TAF3: variants seen among roughly 807,000 people sequenced by gnomAD.
TAF3 encodes the protein transcription initiation factor TFIID subunit 3.
TAF3 carries 7 observed loss-of-function variants against 80.6 expected under a neutral mutation model. That is an observed-to-expected ratio of 0.09 (90% confidence interval 0.05 to 0.16). The LOEUF is 0.16. Among genes scored for constraint, TAF3 ranks in the 10% least tolerant of loss-of-function variants. The pLI is 1.00. For missense variants in TAF3, 921 were observed against 1,140.2 expected (o/e 0.81, Z 2.77); for synonymous variants, 444 against 446.1 (o/e 1.00, Z 0.06).
At chr10:7,951,541 G>A (rs1838082369) in intron 2 of TAF3, among the ~76,000 whole-genome samples, 1 of 152,206 alleles carries the variant, frequency 6.6e-6, no homozygotes, top group African/African-American at 2.4e-5. Context: ...CGCTTTCCAT[G>A]CCTCTGCTTC....
chr10:7,969,841 A>G (rs1222759439), intron 3 of TAF3, among the ~76,000 whole-genome samples: 1 of 152,194 alleles, frequency 6.6e-6, no homozygotes, highest in African/African-American at 2.4e-5. Context: ...TGGAAATTCC[A>G]GCTCTGCCAC....
chr10:7,830,620 A>G (rs940758413), intron 2 of TAF3, among the ~76,000 whole-genome samples: 1 of 151,454 alleles, frequency 6.6e-6, no homozygotes, highest in African/African-American at 2.4e-5. Context: ...AGTAGCTGCA[A>G]TTACAGGTGC....
At chr10:7,856,257 C>G (rs1837078597) in intron 2 of TAF3, among the ~76,000 whole-genome samples, 1 of 152,178 alleles carries the variant, frequency 6.6e-6, no homozygotes, top group Non-Finnish European at 1.5e-5. Flanking sequence ...GGGCGGATCA[C>G]TTGAGGTCAG....
At chr10:7,955,341 A>G (rs979036057) in intron 2 of TAF3, among the ~76,000 whole-genome samples, 4 of 152,230 alleles carry the variant, frequency 2.6e-5, no homozygotes, top group Non-Finnish European at 5.9e-5. Context: ...CTACATCTGC[A>G]TACATTTTTC....
chr10:7,895,394 T>G (rs1837495506), intron 2 of TAF3, among the ~76,000 whole-genome samples: 1 of 152,198 alleles, frequency 6.6e-6, no homozygotes, highest in Non-Finnish European at 1.5e-5. Context: ...CAGCAGACAG[T>G]TCTTATCTCT....
intron 2 of TAF3, among the ~76,000 whole-genome samples, chr10:7,876,883 A>G (rs1208589113): frequency 6.6e-6 from 1 of 152,186 alleles, no homozygotes; most frequent in African/African-American, 2.4e-5. Flanking sequence ...CTTGTACTAG[A>G]AATAGGACAG....
chr10:7,952,353 A>T (rs761989646), intron 2 of TAF3, among the ~76,000 whole-genome samples: 5 of 152,228 alleles, frequency 3.3e-5, no homozygotes, highest in Admixed American at 6.5e-5. Context: ...TAACGATAGC[A>T]ATTTATTGTA....
At chr10:8,008,667 C>A (rs1832019966) in intron 4 of TAF3, among the ~76,000 whole-genome samples, 1 of 152,222 alleles carries the variant, frequency 6.6e-6, no homozygotes, top group Non-Finnish European at 1.5e-5. Flanking sequence ...CAGGCTGCTC[C>A]AGGTCCTCTC....
intron 2 of TAF3, among the ~76,000 whole-genome samples, chr10:7,838,864 C>T (rs866254437): frequency 1.4e-5 from 2 of 145,548 alleles, no homozygotes; most frequent in African/African-American, 2.6e-5. Context: ...GTCTGGGGAA[C>T]GTTCCTTCTG....
intron 2 of TAF3, among the ~76,000 whole-genome samples, chr10:7,924,844 C>A (rs1299585968): frequency 1.3e-5 from 2 of 151,844 alleles, no homozygotes; most frequent in Non-Finnish European, 2.9e-5. Flanking sequence ...TTCACTTTAT[C>A]ATATCACACA....
At chr10:7,939,947 A>G (rs1454208495) in intron 2 of TAF3, among the ~76,000 whole-genome samples, 1 of 152,248 alleles carries the variant, frequency 6.6e-6, no homozygotes, top group African/African-American at 2.4e-5. Flanking sequence ...AGAAAAACGT[A>G]TAAATCTATA....
chr10:7,936,967 C>A (rs1837927282), intron 2 of TAF3, among the ~76,000 whole-genome samples: 1 of 152,094 alleles, frequency 6.6e-6, no homozygotes. Flanking sequence ...TGACTTCTTT[C>A]ACTTACCAAT....
intron 2 of TAF3, among the ~76,000 whole-genome samples, chr10:7,896,559 C>T (rs1837506343): frequency 6.6e-6 from 1 of 152,204 alleles, no homozygotes; most frequent in South Asian, 2.1e-4. Flanking sequence ...TGTAACCTCT[C>T]ATTCGACAGT....
intron 4 of TAF3, among the ~76,000 whole-genome samples, chr10:7,987,195 G>A (rs1831787156): frequency 6.6e-6 from 1 of 152,102 alleles, no homozygotes; most frequent in African/African-American, 2.4e-5. Flanking sequence ...GGTGGCATGT[G>A]CCTTTAGTCC....
rs1832032615 is a variant in TAF3 at position 8,009,515 on chromosome 10, A to G, written c.2568+185A>G. ...GAGTACAGTGGCCCAATCATAGCTC[A>G]CTGCAACCTCAAACTCCTGGGCCCA... On this transcript the variant is annotated intron_variant, in intron 5 of 6. Transcript: ENST00000344293. The surrounding 1 kb of genome is among the most constrained non-coding windows in gnomAD (Gnocchi z 4.1). Among the ~76,000 whole-genome samples, 1 of 151,892 alleles carries G rather than the reference A, an allele frequency of 6.6e-6. No homozygotes were observed. Among genetic ancestry groups the G allele is most frequent in the East Asian group, 1.9e-4 (1 of 5,172 alleles).
chr10:7,974,892 G>A (rs1831655924), intron 3 of TAF3, among the ~76,000 whole-genome samples: 1 of 151,876 alleles, frequency 6.6e-6, no homozygotes, highest in African/African-American at 2.4e-5. Context: ...TGGCCAACAC[G>A]GTGAAACCCC....
intron 3 of TAF3, among the ~76,000 whole-genome samples, chr10:7,970,398 A>T (rs1831611439): frequency 6.6e-6 from 1 of 152,218 alleles, no homozygotes; most frequent in Non-Finnish European, 1.5e-5. Flanking sequence ...CCTGTTTTAC[A>T]GTTGAGAAAA....
rs1039436108 is a variant in TAF3, at chr10:8,014,908, A to G, written c.*157A>G. 3.2e-6 allele frequency: 2 copies of G among 623,136 alleles called. No homozygotes were observed. The allele number at this position is 623,136 out of a possible 1,614,324, so 38.6% of individuals were successfully genotyped here. A position where few individuals can be genotyped will look rare whatever the true frequency, so the allele number is the denominator to read the frequency against. ...AGGCTGGAACACACCGCGCACCTGG[A>G]TTGTTCACTCCCGAGCCGCCTTGGC... is the stretch of plus-strand genomic sequence containing the variant. On this transcript the variant is annotated 3_prime_UTR_variant, in exon 7 of 7. Coordinates refer to ENST00000344293, the MANE Select transcript of TAF3 (RefSeq NM_031923.4).
intron 2 of TAF3, among the ~76,000 whole-genome samples, chr10:7,960,787 A>G (rs1838182490): frequency 6.6e-6 from 1 of 152,170 alleles, no homozygotes; most frequent in Non-Finnish European, 1.5e-5. Flanking sequence ...GTATTTTAGA[A>G]TAGTGATTTT....
Sources: gnomAD v4.1 joint callset for allele counts (sites outside exome capture counted in the v4.1 genomes callset) on GRCh38, gnomAD v4.1.1 for gene constraint, Gnocchi (gnomAD v3.1) non-coding constraint, MANE v1.5 for transcripts, NCBI Gene and HGNC (gene_info 2026-07-23, HGNC 2026-07-21) for gene names.